LINGO2: variants seen among roughly 807,000 people sequenced by gnomAD.
LINGO2 encodes the protein leucine-rich repeat and immunoglobulin-like domain-containing nogo receptor-interacting protein 2.
Under a neutral mutation model 30.6 loss-of-function variants are expected in LINGO2, and 14 were observed. That is an observed-to-expected ratio of 0.46 (90% CI 0.30 to 0.72). The LOEUF (loss-of-function observed/expected upper bound fraction) is 0.72, where lower values mean the gene tolerates loss of function less well. Among genes scored for constraint, LINGO2 ranks in the 30% least tolerant of loss-of-function variants. LINGO2 has a pLI of 0.07. For synonymous variants in LINGO2, 317 were observed against 288.5 expected, an observed-to-expected ratio of 1.10 and a Z score of -1.00; for missense variants, 729 against 751.7, an observed-to-expected ratio of 0.97 and a Z score of 0.35.
the LINGO2 span, among the ~76,000 whole-genome samples, chr9:29,135,535 G>A: frequency 4.7e-5 from 7 of 148,108 alleles, no homozygotes; most frequent in Non-Finnish European, 7.4e-5. Context: ...TCCAGCCTGG[G>A]TGACAGAGTG....
intron 1 of LINGO2, among the ~76,000 whole-genome samples, chr9:28,592,460 T>C (rs998726937): frequency 6.6e-6 from 1 of 152,122 alleles, no homozygotes; most frequent in Non-Finnish European, 1.5e-5. Flanking sequence ...TTTGGCTCTC[T>C]GTCTTCTGTA....
chr9:28,274,439 C>A (rs1461860883), intron 4 of LINGO2, among the ~76,000 whole-genome samples: 1 of 152,184 alleles, frequency 6.6e-6, no homozygotes, highest in African/African-American at 2.4e-5. Flanking sequence ...TCACTGAATT[C>A]ATAAATAACT....
At chr9:28,676,501 A>G in the LINGO2 span, among the ~76,000 whole-genome samples, 1 of 152,218 alleles carries the variant, frequency 6.6e-6, no homozygotes, top group African/African-American at 2.4e-5. Flanking sequence ...CTAAATTCTA[A>G]ATCCTATTTT....
the LINGO2 span, among the ~76,000 whole-genome samples, chr9:29,013,780 A>G: frequency 6.6e-6 from 1 of 152,190 alleles, no homozygotes; most frequent in Non-Finnish European, 1.5e-5. Context: ...AGAGATTTCA[A>G]CATCTTATAT....
At chr9:27,968,090 A>G (rs1362001448) in intron 5 of LINGO2, among the ~76,000 whole-genome samples, 1 of 152,128 alleles carries the variant, frequency 6.6e-6, no homozygotes, top group Non-Finnish European at 1.5e-5. Flanking sequence ...ATTGAACTCA[A>G]TAAACACCTT....
intron 1 of LINGO2, among the ~76,000 whole-genome samples, chr9:28,506,731 A>T (rs1258180152): frequency 6.6e-6 from 1 of 151,286 alleles, no homozygotes; most frequent in Admixed American, 6.6e-5. Flanking sequence ...CTTTGCTCAC[A>T]TTACTAGCTG....
chr9:29,102,939 A>G, the LINGO2 span, among the ~76,000 whole-genome samples: 2 of 152,102 alleles, frequency 1.3e-5, no homozygotes, highest in Non-Finnish European at 2.9e-5. Context: ...TATTATATCT[A>G]TACATCTCTT....
At chr9:28,763,003 G>A in the LINGO2 span, among the ~76,000 whole-genome samples, 1 of 152,174 alleles carries the variant, frequency 6.6e-6, no homozygotes, top group South Asian at 2.1e-4. Flanking sequence ...TCCTTAAACA[G>A]AAGATAATGT....
the LINGO2 span, among the ~76,000 whole-genome samples, chr9:29,153,489 G>A: frequency 6.6e-6 from 1 of 152,132 alleles, no homozygotes; most frequent in African/African-American, 2.4e-5. Context: ...CAATTTAATA[G>A]CTATGAAAAT....
intron 4 of LINGO2, among the ~76,000 whole-genome samples, chr9:28,063,994 C>T (rs562146592): frequency 1.2e-3 from 184 of 152,082 alleles, no homozygotes; most frequent in African/African-American, 4.2e-3. Flanking sequence ...TTATTAAATC[C>T]CAGTGGGCTT....
At chr9:28,534,095 C>CAT (rs1821337862) in intron 1 of LINGO2, among the ~76,000 whole-genome samples, 2 of 152,166 alleles carry the variant, frequency 1.3e-5, no homozygotes, top group Non-Finnish European at 1.5e-5. Context: ...ACTGGTTAAG[C>CAT]ATACCCCTTA....
intron 5 of LINGO2, among the ~76,000 whole-genome samples, chr9:27,999,342 G>C (rs1028311079): frequency 6.6e-6 from 1 of 151,930 alleles, no homozygotes; most frequent in Non-Finnish European, 1.5e-5. Flanking sequence ...AGAAAGATAT[G>C]ATGTTTTGTG....
chr9:28,932,172 C>CGG, the LINGO2 span, among the ~76,000 whole-genome samples: 1 of 146,454 alleles, frequency 6.8e-6, no homozygotes, highest in Non-Finnish European at 1.5e-5. Flanking sequence ...TGGCGGGGGC[C>CGG]GGGGGGGATC....
At chr9:28,349,860 A>C (rs1334814931) in intron 3 of LINGO2, among the ~76,000 whole-genome samples, 2 of 152,134 alleles carry the variant, frequency 1.3e-5, no homozygotes, top group African/African-American at 4.8e-5. Context: ...TTCTTAAAGA[A>C]AAGGATTTTC....
chr9:28,060,424 C>T (rs935092837), intron 4 of LINGO2, among the ~76,000 whole-genome samples: 22 of 152,198 alleles, frequency 1.4e-4, no homozygotes, highest in African/African-American at 5.1e-4. Flanking sequence ...TTTGTAAGTG[C>T]CCCACATATT....
intron 1 of LINGO2, among the ~76,000 whole-genome samples, chr9:28,487,256 T>C (rs1394222712): frequency 2.0e-5 from 3 of 152,184 alleles, no homozygotes; most frequent in Non-Finnish European, 4.4e-5. Flanking sequence ...TTTTGATAAA[T>C]ATTCTTTTAG....
chr9:29,047,221 C>A, the LINGO2 span, among the ~76,000 whole-genome samples: 1 of 151,738 alleles, frequency 6.6e-6, no homozygotes, highest in Non-Finnish European at 1.5e-5. Flanking sequence ...AGAAAAACAA[C>A]CCCATTAAAA....
intron 4 of LINGO2, among the ~76,000 whole-genome samples, chr9:28,248,704 T>C (rs1303416047): frequency 6.6e-6 from 1 of 152,224 alleles, no homozygotes; most frequent in Non-Finnish European, 1.5e-5. Context: ...ATTGCATGCC[T>C]GTACCACAGT....
intron 1 of LINGO2, among the ~76,000 whole-genome samples, chr9:28,649,774 T>TA (rs1828006946): frequency 6.6e-6 from 1 of 151,342 alleles, no homozygotes; most frequent in African/African-American, 2.4e-5. Context: ...TGTGAAAAAT[T>TA]AAAAAAATAA....
Sources: allele counts gnomAD v4.1 joint callset (sites outside exome capture counted in the v4.1 genomes callset), GRCh38; gene constraint gnomAD v4.1.1; transcripts MANE v1.5; gene names NCBI Gene and HGNC (gene_info 2026-07-23, HGNC 2026-07-21).